PCDHGA1: variants seen among roughly 807,000 people sequenced by gnomAD.
PCDHGA1 encodes protocadherin gamma subfamily A, 1.
A neutral mutation model predicts 58.0 loss-of-function variants in PCDHGA1; 32 were observed. The observed-to-expected ratio is 0.55, with a 90% CI of 0.42 to 0.74. The LOEUF (loss-of-function observed/expected upper bound fraction) is 0.74, where lower values mean the gene tolerates loss of function less well. Ranked by LOEUF, PCDHGA1 falls within the 30% of genes least tolerant of loss-of-function variation. PCDHGA1 has a pLI of 0.00. For synonymous variants in PCDHGA1, 498 were observed against 501.1 expected (o/e 0.99, Z 0.08); for missense variants, 1,205 against 1,182.3 (o/e 1.02, Z -0.28).
intron 1 of PCDHGA1, among the ~76,000 whole-genome samples, chr5:141,450,951 A>G (rs1018018318): frequency 1.3e-5 from 2 of 151,732 alleles, no homozygotes; most frequent in Non-Finnish European, 2.9e-5. Context: ...CAGCCTCCCA[A>G]GTAGCTGGGA....
rs369793035 is a variant in PCDHGA1, at chr5:141,408,762, A to T, written c.2421+75657A>T. 57 of 1,610,942 alleles carry T rather than the reference A, an allele frequency of 3.5e-5. No homozygotes were observed. The highest frequency in any genetic ancestry group is 4.6e-5 in the Non-Finnish European group (54 of 1,178,454). On this transcript the variant is annotated intron_variant, in intron 1 of 3. Transcript: ENST00000517417. ...TCATTAATGGTTAGAGTTAATTCCG[A>T]TGGTGGCAAATACCCAGAGTTATCT...
intron 1 of PCDHGA1, chr5:141,424,126 G>C: frequency 9.3e-6 from 5 of 538,222 alleles, no homozygotes; most frequent in Non-Finnish European, 1.2e-5. Flanking sequence ...TGATCCTGTT[G>C]ATTTAATAGC....
Position 141,477,100 on chromosome 5 carries a change from C to T in PCDHGA1, c.2422-17707C>T, listed in dbSNP as rs970613825. Reference sequence around the variant, plus strand: ...TTTACATCCAGGCCAAAGACAAGGGCGCCAATCCCGAAGGAGCACATTGCA... The same window carrying T: ...TTTACATCCAGGCCAAAGACAAGGGTGCCAATCCCGAAGGAGCACATTGCA... On this transcript the variant is annotated intron_variant, in intron 1 of 3. Transcript: ENST00000517417. The surrounding 1 kb of genome is among the most constrained non-coding windows in gnomAD (Gnocchi z 4.9). 1 of 1,614,098 alleles carries T rather than the reference C, an allele frequency of 6.2e-7. No homozygotes were observed. Among genetic ancestry groups the T allele is most frequent in the African/African-American group, 1.3e-5 (1 of 74,932 alleles).
intron 1 of PCDHGA1, among the ~76,000 whole-genome samples, chr5:141,353,291 A>C (rs1759238181): frequency 6.6e-6 from 1 of 152,126 alleles, no homozygotes; most frequent in South Asian, 2.1e-4. Flanking sequence ...TTTTATTCTT[A>C]GCTCTTTATA....
chr5:141,376,263 C>T (rs1348716434), intron 1 of PCDHGA1: 1 of 1,614,226 alleles, frequency 6.2e-7, no homozygotes, highest in South Asian at 1.1e-5. Flanking sequence ...CTGCTGCAGG[C>T]TTCGGGAGGT....
chr5:141,429,573 T>G (rs1026656206), intron 1 of PCDHGA1, among the ~76,000 whole-genome samples: 3 of 152,206 alleles, frequency 2.0e-5, no homozygotes, highest in Non-Finnish European at 4.4e-5. Context: ...TCAGTTACAT[T>G]TACTTTTGAT....
chr5:141,503,654 G>C (rs1248501987), intron 2 of PCDHGA1, among the ~76,000 whole-genome samples: 1 of 150,388 alleles, frequency 6.6e-6, no homozygotes, highest in Non-Finnish European at 1.5e-5. Flanking sequence ...AATGGAAACA[G>C]AATTACAACT....
intron 1 of PCDHGA1, chr5:141,419,197 T>C (rs560134083): frequency 1.2e-6 from 2 of 1,613,966 alleles, no homozygotes; most frequent in South Asian, 1.1e-5. Flanking sequence ...CTGACGTCAA[T>C]GACAACGCGC....
At chr5:141,365,339 G>A in intron 1 of PCDHGA1, 7 of 1,613,990 alleles carry the variant, frequency 4.3e-6, no homozygotes, top group Non-Finnish European at 5.1e-6. Context: ...GGTGGTCACA[G>A]TACAGGACGT....
intron 1 of PCDHGA1, chr5:141,364,690 A>G (rs754705935): frequency 2.5e-6 from 4 of 1,613,978 alleles, no homozygotes; most frequent in Non-Finnish European, 3.4e-6. Flanking sequence ...ATGGAGTAGA[A>G]GTAGAAATAA....
In PCDHGA1 at chr5:141,432,927, G is replaced by A; in HGVS notation, c.2422-61880G>A. On this transcript the variant is annotated intron_variant, in intron 1 of 3. Coordinates refer to ENST00000517417, the MANE Select transcript of PCDHGA1 (RefSeq NM_018912.3). This position sits in a 1 kb window ranked among gnomAD's most constrained non-coding sequence, Gnocchi z 6.0. ...AGGCTGCGGCGCTGGCACAAGTCACGCCTGCTGCAGGCTTCAGGAGGCGGC... is the reference window on the plus strand; with the variant it reads ...AGGCTGCGGCGCTGGCACAAGTCACACCTGCTGCAGGCTTCAGGAGGCGGC... 6.2e-7 allele frequency: 1 copy of A among 1,614,162 alleles called. No individual in the cohort carries two copies. Among genetic ancestry groups the A allele is most frequent in the Non-Finnish European group, 8.5e-7 (1 of 1,180,032 alleles).
chr5:141,439,756 G>A (rs74623862), intron 1 of PCDHGA1: 30 of 152,422 alleles, frequency 2.0e-4, no homozygotes, highest in African/African-American at 7.0e-4. Context: ...CAGGCAATGA[G>A]TTCAGCTCCT....
intron 1 of PCDHGA1, chr5:141,351,562 C>A: frequency 1.9e-6 from 3 of 1,614,052 alleles, no homozygotes; most frequent in Non-Finnish European, 2.5e-6. Context: ...GGACAAGCAT[C>A]ACCCTGCACA....
chr5:141,408,873 CCACCG>C (rs776180805), intron 1 of PCDHGA1: 50 of 1,613,104 alleles, frequency 3.1e-5, no homozygotes, highest in Non-Finnish European at 4.1e-5. Context: ...CCAAGAAGTG[CCACCG>C]CTCACATAGA....
At chr5:141,352,240 C>A (rs1561502758) in intron 1 of PCDHGA1, 1 of 1,614,078 alleles carries the variant, frequency 6.2e-7, no homozygotes, top group Admixed American at 1.7e-5. Flanking sequence ...ACCTAATCTT[C>A]GCGGATAGCC....
intron 1 of PCDHGA1, chr5:141,392,144 A>G (rs1172213450): frequency 6.6e-6 from 1 of 152,224 alleles, no homozygotes; most frequent in Admixed American, 6.5e-5. Flanking sequence ...AGTAGTTTAA[A>G]CCAAATAAAA....
At chr5:141,422,850 G>T (rs184432819) in intron 1 of PCDHGA1, 7 of 1,614,086 alleles carry the variant, frequency 4.3e-6, no homozygotes, top group Non-Finnish European at 5.9e-6. Context: ...GCGGGGACCC[G>T]CCCCTCAGCA....
rs774211225 is a variant in PCDHGA1 at position 141,374,709 on chromosome 5, G to A, written c.2421+41604G>A. 28 of 1,608,934 alleles carry A rather than the reference G, an allele frequency of 1.7e-5. No individual in the cohort carries two copies. In the South Asian group the frequency reaches 1.9e-4, roughly 11 times the overall value. On this transcript the variant is annotated intron_variant, in intron 1 of 3. Transcript: ENST00000517417. ...GACCGGGAAGGAGAAGCCGTTTACCGCCTGGTCCTTACTGCCATGGATGGC... is the reference window on the plus strand; with the variant it reads ...GACCGGGAAGGAGAAGCCGTTTACCACCTGGTCCTTACTGCCATGGATGGC...
chr5:141,343,902 A>G (rs1757339173), intron 1 of PCDHGA1: 3 of 815,036 alleles, frequency 3.7e-6, no homozygotes, highest in Non-Finnish European at 3.7e-6. Context: ...TGCCAACCTC[A>G]CCTCTTAGTC....
Sources: gnomAD v4.1 joint callset for allele counts (sites outside exome capture counted in the v4.1 genomes callset) on GRCh38, gnomAD v4.1.1 for gene constraint, Gnocchi (gnomAD v3.1) non-coding constraint, MANE v1.5 for transcripts, NCBI Gene and HGNC (gene_info 2026-07-23, HGNC 2026-07-21) for gene names.